The following MAP7 variants were observed in gnomAD, a reference collection of about 807,000 sequenced individuals.
MAP7 encodes ensconsin.
MAP7 carries 52 observed loss-of-function variants against 94.8 expected under a neutral mutation model. The ratio of observed to expected loss-of-function variants is 0.55; its 90% CI spans 0.44 to 0.69. The LOEUF is 0.69. MAP7 is among the 30% of genes least tolerant of loss of function. MAP7 has a pLI of 0.00. For missense variants in MAP7, 940 were observed against 964.6 expected, an observed-to-expected ratio of 0.97 and a Z score of 0.34; for synonymous variants, 350 against 357.0, an observed-to-expected ratio of 0.98 and a Z score of 0.22.
chr6:136,498,216 C>G (rs1818856101), intron 1 of MAP7, among the ~76,000 whole-genome samples: 1 of 151,998 alleles, frequency 6.6e-6, no homozygotes. Flanking sequence ...AAGAAAGAAT[C>G]CTATATTTAG....
chr6:136,426,729 G>A (rs182185900), intron 1 of MAP7, among the ~76,000 whole-genome samples: 1 of 152,330 alleles, frequency 6.6e-6, no homozygotes, highest in African/African-American at 2.4e-5. Context: ...GTTTAGGAAG[G>A]GAGGCAGTTG....
At chr6:136,468,296 T>C (rs1394058664) in intron 1 of MAP7, among the ~76,000 whole-genome samples, 2 of 152,176 alleles carry the variant, frequency 1.3e-5, no homozygotes, top group African/African-American at 2.4e-5. Flanking sequence ...ATCTATTATG[T>C]GTCAGATATT....
intron 1 of MAP7, among the ~76,000 whole-genome samples, chr6:136,439,971 T>C (rs1327194042): frequency 6.6e-6 from 1 of 152,140 alleles, no homozygotes; most frequent in Non-Finnish European, 1.5e-5. Context: ...AGTTTAATAG[T>C]GCTGGGTTCC....
chr6:136,474,206 G>T (rs897738590), intron 1 of MAP7, among the ~76,000 whole-genome samples: 2 of 152,304 alleles, frequency 1.3e-5, no homozygotes, highest in South Asian at 4.1e-4. Context: ...GCAGGGAATT[G>T]TAGTTCATAT....
chr6:136,501,445 T>A (rs543954213), intron 1 of MAP7, among the ~76,000 whole-genome samples: 3 of 152,308 alleles, frequency 2.0e-5, no homozygotes, highest in East Asian at 3.9e-4. Context: ...TAAAATGGGG[T>A]AAATACCTCC....
In MAP7 at chr6:136,506,295, C is replaced by T. The variant is rs963762812; in HGVS notation, c.67+44047G>A. Among the ~76,000 whole-genome samples the T allele has an allele frequency of 5.3e-5, 8 of 152,038 alleles. 2 individuals are homozygous for T. The highest frequency in any genetic ancestry group is 4.1e-4 in the South Asian group (2 of 4,820). On this transcript the variant is annotated intron_variant, in intron 1 of 17. Coordinates refer to ENST00000354570, the MANE Select transcript of MAP7 (RefSeq NM_003980.6). ...ATCCCTACCTAAAGACATGCATAAT[C>T]ATTACTGTGGATGGTATTAGGTTTC...
chr6:136,460,214 T>C (rs1804722725), intron 1 of MAP7, among the ~76,000 whole-genome samples: 1 of 152,162 alleles, frequency 6.6e-6, no homozygotes, highest in Non-Finnish European at 1.5e-5. Flanking sequence ...CCAGTGAAAA[T>C]AAATGTATTT....
chr6:136,426,908 A>C (rs531923646), intron 1 of MAP7, among the ~76,000 whole-genome samples: 92 of 152,334 alleles, frequency 6.0e-4, no homozygotes, highest in African/African-American at 2.2e-3. Flanking sequence ...GTGAAGTCTA[A>C]CAAGCCTGCT....
At chr6:136,509,814 C>T (rs940245801) in intron 1 of MAP7, among the ~76,000 whole-genome samples, 5 of 152,202 alleles carry the variant, frequency 3.3e-5, no homozygotes, top group African/African-American at 1.2e-4. Context: ...GCCTCTGCTT[C>T]CCAAAGCATT....
In MAP7 at chr6:136,369,677, C is replaced by G. The variant is rs183329331; in HGVS notation, c.876+2824G>C. 7.0e-4 allele frequency among the ~76,000 whole-genome samples: 107 copies of G among 152,232 alleles called. 1 individual carries two copies. The highest frequency in any genetic ancestry group is 2.5e-3 in the African/African-American group (105 of 41,542). The stretch of plus-strand genomic sequence containing the variant: ...CACCACTCAATGAAACAAGGACATT[C>G]TCTTCAACAAATGATGCAGGGAAAA... On this transcript the variant is annotated intron_variant, in intron 8 of 17. Transcript: ENST00000354570.
At chr6:136,547,519 C>G (rs971408108) in intron 1 of MAP7, among the ~76,000 whole-genome samples, 1 of 152,102 alleles carries the variant, frequency 6.6e-6, no homozygotes, top group Non-Finnish European at 1.5e-5. Context: ...TCAAAAAAGG[C>G]TGAAAAAGGA....
intron 11 of MAP7, among the ~76,000 whole-genome samples, chr6:136,361,431 C>T (rs1792736868): frequency 6.6e-6 from 1 of 152,176 alleles, no homozygotes; most frequent in African/African-American, 2.4e-5. Context: ...GGAGAGCTGG[C>T]TTTTTGGAAG....
At chr6:136,513,187 A>G (rs571093944) in intron 1 of MAP7, among the ~76,000 whole-genome samples, 2 of 152,354 alleles carry the variant, frequency 1.3e-5, no homozygotes, top group South Asian at 4.1e-4. Context: ...TGCCAAGTCC[A>G]TGAACTCTTC....
At chr6:136,378,584 C>G (rs1241017641) in intron 6 of MAP7, among the ~76,000 whole-genome samples, 1 of 152,086 alleles carries the variant, frequency 6.6e-6, no homozygotes, top group African/African-American at 2.4e-5. Context: ...AACAGAAAAG[C>G]CAAAATCCAA....
chr6:136,543,680 C>T (rs117199920), intron 1 of MAP7, among the ~76,000 whole-genome samples: 3,039 of 152,056 alleles, frequency 0.02, 53 homozygotes, highest in Middle Eastern at 0.048. Flanking sequence ...AAAGGTTACA[C>T]AATGTATGAT....
intron 16 of MAP7, among the ~76,000 whole-genome samples, chr6:136,356,118 T>C (rs970742684): frequency 1.3e-4 from 20 of 152,340 alleles, no homozygotes; most frequent in African/African-American, 4.8e-4. Flanking sequence ...GTGGATATGG[T>C]CCATATCAGG....
chr6:136,454,490 G>T (rs1444564460), intron 1 of MAP7, among the ~76,000 whole-genome samples: 4 of 151,806 alleles, frequency 2.6e-5, no homozygotes, highest in African/African-American at 9.7e-5. Flanking sequence ...GTAGAGATGG[G>T]TCTTACTATG....
chr6:136,413,676 A>G (rs1788247157), intron 2 of MAP7, among the ~76,000 whole-genome samples: 1 of 152,074 alleles, frequency 6.6e-6, no homozygotes, highest in East Asian at 1.9e-4. Context: ...CTGTGGCACG[A>G]TCATGGCTTA....
chr6:136,362,820 G>C (rs1453148823), intron 10 of MAP7, 118 bp from the exon 11 acceptor site: 14 of 1,427,134 alleles, frequency 9.8e-6, no homozygotes, highest in Non-Finnish European at 1.3e-5. Flanking sequence ...AAAAGGGAAT[G>C]TTTATTACTG....
Sources: allele counts gnomAD v4.1 joint callset (sites outside exome capture counted in the v4.1 genomes callset), GRCh38; gene constraint gnomAD v4.1.1; transcripts MANE v1.5; gene names NCBI Gene and HGNC (gene_info 2026-07-23, HGNC 2026-07-21).